The following OXNAD1 variants were observed in gnomAD, a reference collection of about 807,000 sequenced individuals.
OXNAD1 encodes oxidoreductase NAD-binding domain-containing protein 1.
A neutral mutation model predicts 32.9 loss-of-function variants in OXNAD1; 34 were observed. The ratio of observed to expected loss-of-function variants is 1.03; its 90% CI spans 0.79 to 1.38. OXNAD1 has a LOEUF of 1.38. Ranked by LOEUF, OXNAD1 falls within the 40% of genes most tolerant of loss-of-function variation. The probability of loss-of-function intolerance (pLI) is 0.00; values close to 1 mark genes in which losing one functional copy is unlikely to be tolerated. For synonymous variants in OXNAD1, 134 were observed against 135.2 expected (o/e 0.99, Z 0.06); for missense variants, 407 against 379.4 (o/e 1.07, Z -0.60).
In OXNAD1 at chr3:16,286,429, T is replaced by G; in HGVS notation, c.271T>G (p.Ser91Ala). ...CTTGCTTGTTGCTGATCAAGACTTT[T>G]CCTTTAAAGCTGGCCAGTGGTAAGT... ...LRLLVADQDF[S>A]FKAGQWVDFF... is the part of the protein sequence containing the mutation. The change falls in exon 5 of 9, where the codon TCC becomes GCC. Residue 91 changes from serine to alanine, a missense_variant. Physicochemically the swap from Ser to Ala is moderately conservative, Grantham distance 99. Coordinates refer to ENST00000285083, the MANE Select transcript of OXNAD1 (RefSeq NM_138381.5). The G allele has an allele frequency of 6.2e-7, 1 of 1,613,926 alleles. No homozygotes were observed.
At chr3:16,333,204 A>C (rs576321615) in intron 9 of OXNAD1, among the ~76,000 whole-genome samples, 1 of 152,348 alleles carries the variant, frequency 6.6e-6, no homozygotes, top group Non-Finnish European at 1.5e-5. Flanking sequence ...ATCACCAACA[A>C]AAAGCACAAA....
intron 1 of OXNAD1, among the ~76,000 whole-genome samples, chr3:16,268,009 G>A (rs1474421800): frequency 2.0e-5 from 3 of 152,058 alleles, no homozygotes; most frequent in Non-Finnish European, 2.9e-5. Flanking sequence ...AGATTTTTTG[G>A]TAAGGGAAGG....
chr3:16,309,929 T>C (rs1000181364), downstream of OXNAD1, among the ~76,000 whole-genome samples: 1 of 152,242 alleles, frequency 6.6e-6, no homozygotes, highest in African/African-American at 2.4e-5. Flanking sequence ...ATCTTAACTC[T>C]CTTCAAATAT....
chr3:16,273,360 A>C (rs2065087606), intron 4 of OXNAD1, among the ~76,000 whole-genome samples: 1 of 150,928 alleles, frequency 6.6e-6, no homozygotes, highest in African/African-American at 2.4e-5. Flanking sequence ...GGTAAGATAG[A>C]TAGATAGTTA....
intron 4 of OXNAD1, chr3:16,276,509 C>A: frequency 7.4e-6 from 1 of 135,290 alleles, no homozygotes; most frequent in Non-Finnish European, 1.4e-5. Flanking sequence ...ACCCATCAAT[C>A]TTGCTATTTT....
intron 5 of OXNAD1, among the ~76,000 whole-genome samples, chr3:16,294,114 C>G (rs1438951527): frequency 6.6e-6 from 1 of 151,814 alleles, no homozygotes; most frequent in Non-Finnish European, 1.5e-5. Flanking sequence ...GTGTTCTCTT[C>G]TGTTTTTGGA....
intron 4 of OXNAD1, chr3:16,276,219 C>T (rs1575063255): frequency 4.3e-6 from 1 of 229,996 alleles, no homozygotes; most frequent in Non-Finnish European, 8.5e-6. Flanking sequence ...CAAGTAATTG[C>T]GTGTTCAGGG....
intron 4 of OXNAD1, among the ~76,000 whole-genome samples, chr3:16,283,389 C>T (rs1439657559): frequency 3.3e-5 from 5 of 152,118 alleles, no homozygotes; most frequent in African/African-American, 7.2e-5. Flanking sequence ...GATTTGAATC[C>T]GCAATTCCTA....
At chr3:16,324,870 TC>T (rs1232784110) in intron 9 of OXNAD1, among the ~76,000 whole-genome samples, 2 of 152,050 alleles carry the variant, frequency 1.3e-5, no homozygotes, top group Non-Finnish European at 2.9e-5. Flanking sequence ...ATGTGCTAAG[TC>T]TATCTTTAGT....
Position 16,316,468 on chromosome 3 carries a change from G to A in OXNAD1, c.*30+12876G>A, listed in dbSNP as rs1223126107. ...TTGGTTTGTAGCCCAGGGTGTCCAT[G>A]GATTTGACCCGAATGCTCCCTGGAG... On this transcript the variant is annotated intron_variant, in intron 9 of 9. Coordinates refer to the OXNAD1 transcript ENST00000435829. This position sits in a 1 kb window ranked among gnomAD's most constrained non-coding sequence, Gnocchi z 4.5. 6.5e-6 allele frequency: 2 copies of A among 309,020 alleles called. No individual in the cohort carries two copies. Among genetic ancestry groups the A allele is most frequent in the Non-Finnish European group, 1.2e-5 (2 of 163,860 alleles). 19.1% of individuals were successfully genotyped at this position (309,020 alleles called of 1,614,324 possible).
At position 16,320,462 on chromosome 3, in the gene OXNAD1, G is replaced by A. The variant is rs2068921411; in HGVS notation, c.*31-16650G>A. On this transcript the variant is annotated intron_variant, in intron 9 of 9. Coordinates refer to the OXNAD1 transcript ENST00000435829. The surrounding 1 kb of genome is among the most constrained non-coding windows in gnomAD (Gnocchi z 4.5). ...TCATTCATTGATTCGACAAGTATCT[G>A]TTGAGCACCAACTAAAATCTGGGTA... Among the ~76,000 whole-genome samples, 1 of 152,250 alleles carries A rather than the reference G, an allele frequency of 6.6e-6. No individual in the cohort carries two copies. The highest frequency in any genetic ancestry group is 2.4e-5 in the African/African-American group (1 of 41,464).
downstream of OXNAD1, among the ~76,000 whole-genome samples, chr3:16,338,652 T>C (rs2071086769): frequency 6.6e-6 from 1 of 152,230 alleles, no homozygotes. The surrounding 1 kb of genome is among the most constrained non-coding windows in gnomAD (Gnocchi z 5.3). Context: ...AAAACTAGGC[T>C]TTCTGGGAGT....
Position 16,326,830 on chromosome 3 carries a change from G to A in OXNAD1, c.*31-10282G>A, listed in dbSNP as rs1415686291. 3 of 1,613,970 alleles carry A rather than the reference G, an allele frequency of 1.9e-6. No homozygotes were observed. The highest frequency in any genetic ancestry group is 2.5e-6 in the Non-Finnish European group (3 of 1,180,002). ...ACAGGTGAGCTGCCAGCCATAGGCCGCCAGCGAGTTCAGCAGGGGCACGTA... is the reference window on the plus strand; with the variant it reads ...ACAGGTGAGCTGCCAGCCATAGGCCACCAGCGAGTTCAGCAGGGGCACGTA... On this transcript the variant is annotated intron_variant, in intron 9 of 9. Coordinates refer to the OXNAD1 transcript ENST00000435829.
chr3:16,345,796 G>GTGTGTGTA lies in OXNAD1; in HGVS notation c.*31-3373_*31-3372insATGTGTGT, dbSNP rs1209921611. On this transcript the variant is annotated intron_variant, in intron 9 of 9. Transcript: ENST00000606098. The surrounding 1 kb of genome is among the most constrained non-coding windows in gnomAD (Gnocchi z 5.2). ...AACCTTATAATAAATCTCTGTGTGT[G>GTGTGTGTA]TGTGTGTGTGTGTGTGTGTGTGCGC... Among the ~76,000 whole-genome samples, 1 of 83,108 alleles carries GTGTGTGTA rather than the reference G, an allele frequency of 1.2e-5. No homozygotes were observed. Among genetic ancestry groups the GTGTGTGTA allele is most frequent in the African/African-American group, 7.3e-5 (1 of 13,626 alleles). The allele number at this position is 83,108 out of a possible 152,430, so 54.5% of individuals were successfully genotyped here. A position where few individuals can be genotyped will look rare whatever the true frequency, so the allele number is the denominator to read the frequency against.
rs1421292482 is a variant in OXNAD1, at chr3:16,316,757, C to T, written c.*30+13165C>T. On this transcript the variant is annotated intron_variant, in intron 9 of 9. Coordinates refer to the OXNAD1 transcript ENST00000435829. This position sits in a 1 kb window ranked among gnomAD's most constrained non-coding sequence, Gnocchi z 4.5. ...ACACACAACACCAGGGAAACCAGCC[C>T]CCAAACCAGCTGTTGGTAAGATGCC... 1 of 1,588,958 alleles carries T rather than the reference C, an allele frequency of 6.3e-7. No homozygotes were observed. The highest frequency in any genetic ancestry group is 8.6e-7 in the Non-Finnish European group (1 of 1,160,230).
intron 4 of OXNAD1, chr3:16,275,508 A>C (rs1263013251): frequency 6.6e-6 from 1 of 152,308 alleles, no homozygotes; most frequent in Non-Finnish European, 1.5e-5. Context: ...CAAGGTTACT[A>C]ACGTAAGCTA....
chr3:16,303,422 GAGA>G lies in OXNAD1; in HGVS notation c.802_804del (p.Lys268del). 6.2e-7 allele frequency: 1 copy of G among 1,613,780 alleles called. No individual in the cohort carries two copies. The highest frequency in any genetic ancestry group is 1.3e-5 in the African/African-American group (1 of 75,022). ...GTTTTTGGTAGAAGGAAGAATAACGGAGAAGGAGATAAGAGATCATATTTCAAA... is the reference window on the plus strand; with the variant it reads ...GTTTTTGGTAGAAGGAAGAATAACGGAGGAGATAAGAGATCATATTTCAAA... On this transcript the variant is annotated inframe_deletion, in exon 9 of 9. Coordinates refer to ENST00000285083, the MANE Select transcript of OXNAD1 (RefSeq NM_138381.5). This position sits in a 1 kb window ranked among gnomAD's most constrained non-coding sequence, Gnocchi z 4.8.
rs2067458277 is a variant in OXNAD1, at chr3:16,305,121, GC to G, written c.*1560del. The G allele has an allele frequency of 6.6e-6, 1 of 152,286 alleles. No individual in the cohort carries two copies. The highest frequency in any genetic ancestry group is 1.5e-5 in the Non-Finnish European group (1 of 68,116). 9.4% of individuals were successfully genotyped at this position (152,286 alleles called of 1,614,324 possible). A position where few individuals can be genotyped will look rare whatever the true frequency, so the allele number is the denominator to read the frequency against. ...TGGCCCCAAAGTGCCCAGGCTGAGG[GC>G]ATAGGAGCATGATGAGATGCAAGGA... On this transcript the variant is annotated 3_prime_UTR_variant, in exon 9 of 9. Transcript: ENST00000285083. The surrounding 1 kb of genome is among the most constrained non-coding windows in gnomAD (Gnocchi z 4.5).
Position 16,288,061 on chromosome 3 carries a change from C to T in OXNAD1, c.290+1613C>T, listed in dbSNP as rs1234515828. 1.3e-5 allele frequency among the ~76,000 whole-genome samples: 2 copies of T among 152,116 alleles called. No individual in the cohort carries two copies. Among genetic ancestry groups the T allele is most frequent in the Non-Finnish European group, 2.9e-5 (2 of 68,026 alleles). On this transcript the variant is annotated intron_variant, in intron 5 of 8. Coordinates refer to ENST00000285083, the MANE Select transcript of OXNAD1 (RefSeq NM_138381.5). This position sits in a 1 kb window ranked among gnomAD's most constrained non-coding sequence, Gnocchi z 5.1. ...CTCTTTCAACAAATTTTACCCTTAC[C>T]ATTGATTTATGGTTCTAGGGGTTGT...
Sources: gnomAD v4.1 joint callset for allele counts (sites outside exome capture counted in the v4.1 genomes callset) on GRCh38, gnomAD v4.1.1 for gene constraint, Gnocchi (gnomAD v3.1) non-coding constraint, MANE v1.5 for transcripts, NCBI Gene and HGNC (gene_info 2026-07-23, HGNC 2026-07-21) for gene names.